HECTD4: variants seen among roughly 807,000 people sequenced by gnomAD.
HECTD4 encodes the protein HECT domain E3 ubiquitin protein ligase 4, also known as probable E3 ubiquitin-protein ligase HECTD4.
HECTD4 carries 114 observed loss-of-function variants against 471.5 expected under a neutral mutation model. The observed-to-expected ratio is 0.24, with a 90% CI of 0.21 to 0.28. The LOEUF (loss-of-function observed/expected upper bound fraction) is 0.28, where lower values mean the gene tolerates loss of function less well. Among genes scored for constraint, HECTD4 ranks in the 10% least tolerant of loss-of-function variants. HECTD4 has a pLI of 1.00. For missense variants in HECTD4, 3,866 were observed against 5,651.5 expected (o/e 0.68, Z 10.13); for synonymous variants, 2,012 against 2,256.0 (o/e 0.89, Z 3.07).
chr12:112,237,357 T>G (rs1421766430), intron 34 of HECTD4, among the ~76,000 whole-genome samples: 2 of 152,228 alleles, frequency 1.3e-5, no homozygotes, highest in South Asian at 2.1e-4. Flanking sequence ...CATACTTTGA[T>G]TGATAGGGAA....
intron 1 of HECTD4, among the ~76,000 whole-genome samples, chr12:112,339,704 C>T (rs1225999308): frequency 1.3e-5 from 2 of 152,252 alleles, no homozygotes; most frequent in Non-Finnish European, 2.9e-5. Context: ...CCCTGACTTA[C>T]GATGTGCTTA....
At chr12:112,196,323 AAAG>A (rs1332732826) in intron 55 of HECTD4, among the ~76,000 whole-genome samples, 1 of 152,188 alleles carries the variant, frequency 6.6e-6, no homozygotes, top group East Asian at 1.9e-4. Flanking sequence ...AGATAAACAA[AAAG>A]AAGACAGCTA....
rs1331197167 is a variant in HECTD4 at position 112,178,947 on chromosome 12, C to T, written c.11347G>A (p.Val3783Met). Reference protein sequence around the residue: ...ITKPPAKDKAVLNSVSRTALS... With the variant: ...ITKPPAKDKAMLNSVSRTALS... The stretch of plus-strand genomic sequence containing the variant: ...GGCACGCACCTGACGCTGTTGAGCA[C>T]AGCCTTGTCCTTGGCGGGCGGCTTG... The change falls in exon 64 of 76, where the codon GTG becomes ATG. Residue 3783 changes from valine (V) to methionine (M), a missense_variant. Physicochemically the swap from Val to Met is conservative, Grantham distance 21. Around this residue, in one of 16 missense-constraint regions of HECTD4, gnomAD observed 715 missense variants for 1,087.6 expected, o/e 0.66. Coordinates refer to ENST00000682272, the MANE Select transcript of HECTD4 (RefSeq NM_001388303.1). The T allele has an allele frequency of 6.2e-7, 1 of 1,612,036 alleles. No individual in the cohort carries two copies. Among genetic ancestry groups the T allele is most frequent in the African/African-American group, 1.3e-5 (1 of 74,936 alleles).
At chr12:112,267,362 TA>T (rs568357023) in intron 13 of HECTD4, 51 of 164,906 alleles carry the variant, frequency 3.1e-4, no homozygotes, top group South Asian at 5.1e-4. Context: ...AAAAAGGCAT[TA>T]AAAAAAAATT....
chr12:112,263,724 TACAC>T (rs367597011), intron 17 of HECTD4, among the ~76,000 whole-genome samples: 4,569 of 125,040 alleles, frequency 0.037, 188 homozygotes, highest in South Asian at 0.24. Flanking sequence ...TATATATATA[TACAC>T]ACACACACAC....
chr12:112,338,064 G>C (rs2035990739), intron 1 of HECTD4, among the ~76,000 whole-genome samples: 1 of 152,160 alleles, frequency 6.6e-6, no homozygotes, highest in Non-Finnish European at 1.5e-5. Context: ...GTCTGAAATC[G>C]GTATCACTGG....
Position 112,162,313 on chromosome 12 carries a change from G to A in HECTD4, c.*74C>T, listed in dbSNP as rs1033567686. 42 of 1,584,316 alleles carry A rather than the reference G, an allele frequency of 2.7e-5. No homozygotes were observed. Among genetic ancestry groups the A allele is most frequent in the South Asian group, 3.3e-5 (3 of 89,700 alleles). On this transcript the variant is annotated 3_prime_UTR_variant, in exon 76 of 76. Transcript: ENST00000682272. This position sits in a 1 kb window ranked among gnomAD's most constrained non-coding sequence, Gnocchi z 5.2. Reference sequence around the variant, plus strand: ...TCCTCACGCAGGGCCCTGGAGGGACGGGCCGCAGTGGTGGCTTCCCAAGCC... The same window carrying A: ...TCCTCACGCAGGGCCCTGGAGGGACAGGCCGCAGTGGTGGCTTCCCAAGCC...
chr12:112,175,087 C>T (rs903907881), intron 66 of HECTD4, among the ~76,000 whole-genome samples: 3 of 152,090 alleles, frequency 2.0e-5, no homozygotes, highest in Non-Finnish European at 4.4e-5. Flanking sequence ...AATGTGGACT[C>T]GAGGCAAAGT....
At chr12:112,186,107 G>C (rs1404269934) in intron 60 of HECTD4, among the ~76,000 whole-genome samples, 2 of 151,848 alleles carry the variant, frequency 1.3e-5, no homozygotes, top group Non-Finnish European at 2.9e-5. Context: ...TGAGTAGCTG[G>C]GATTACAGGA....
chr12:112,361,375 T>C (rs993749996), intron 1 of HECTD4, among the ~76,000 whole-genome samples: 3 of 152,040 alleles, frequency 2.0e-5, no homozygotes, highest in Admixed American at 2.0e-4. Flanking sequence ...GCTCAAGCGA[T>C]CCTCCCACCT....
At chr12:112,268,752 G>T in intron 13 of HECTD4, among the ~76,000 whole-genome samples, 1 of 141,154 alleles carries the variant, frequency 7.1e-6, no homozygotes. Flanking sequence ...GTGAAACTCC[G>T]TCTCAAACAA....
In HECTD4 at chr12:112,364,268, A is replaced by G. The variant is rs2036515197; in HGVS notation, c.177+17684T>C. On this transcript the variant is annotated intron_variant, in intron 1 of 75. Coordinates refer to ENST00000682272, the MANE Select transcript of HECTD4 (RefSeq NM_001388303.1). ...CAAAAAATACAAAAATTAGCTGGAC[A>G]TAGTGCCACACATCTGTAGTCCCAG... 2.0e-5 allele frequency among the ~76,000 whole-genome samples: 3 copies of G among 151,666 alleles called. No homozygotes were observed. In the South Asian group the frequency reaches 6.3e-4, roughly 32 times the overall value.
At position 112,226,700 on chromosome 12, in the gene HECTD4, G is replaced by A; in HGVS notation, c.6913C>T (p.Gln2305Ter). The change falls in exon 44 of 76, where the codon CAA (glutamine) becomes TAA (stop). Residue 2305 changes from glutamine (Q) to a stop codon, truncating the protein, a stop_gained. Coordinates refer to ENST00000682272, the MANE Select transcript of HECTD4 (RefSeq NM_001388303.1). LOFTEE classifies it high-confidence loss of function. ...ACTTCAACAGCTGCTGGACATTGTT[G>A]TATGAATTCTTCACAAAATAAGCTG... is the stretch of plus-strand genomic sequence containing the variant. ...EDSLFCEEFI[Q>*]QCPAAVEVLN... 6.2e-7 allele frequency: 1 copy of A among 1,613,158 alleles called. No individual in the cohort carries two copies. Among genetic ancestry groups the A allele is most frequent in the Non-Finnish European group, 8.5e-7 (1 of 1,179,500 alleles).
intron 39 of HECTD4, 98 bp downstream of exon 39, chr12:112,231,415 G>C: frequency 8.4e-7 from 1 of 1,184,238 alleles, no homozygotes; most frequent in Admixed American, 1.8e-5. Context: ...ATTTCCAAGA[G>C]GTCAAGGGGA....
chr12:112,246,962 G>A lies in HECTD4; in HGVS notation c.4452C>T (p.Val1484=), dbSNP rs753005971. 2 of 1,612,242 alleles carry A rather than the reference G, an allele frequency of 1.2e-6. No homozygotes were observed. Among genetic ancestry groups the A allele is most frequent in the East Asian group, 2.2e-5 (1 of 44,888 alleles). ...LMNRAELLLH[V]TIAAQSGLTR... is the part of the protein sequence containing the mutation. Reference sequence around the variant, plus strand: ...TGAGGCCCGACTGGGCTGCGATGGTGACATGCAGCAACAGCTCGGCTCGGT... The same window carrying A: ...TGAGGCCCGACTGGGCTGCGATGGTAACATGCAGCAACAGCTCGGCTCGGT... The change falls in exon 29 of 76, where the codon GTC becomes GTT. Residue 1484 remains valine, a synonymous_variant. Coordinates refer to ENST00000682272, the MANE Select transcript of HECTD4 (RefSeq NM_001388303.1).
intron 1 of HECTD4, among the ~76,000 whole-genome samples, chr12:112,324,289 T>C (rs2035697799): frequency 1.3e-5 from 2 of 150,658 alleles, no homozygotes; most frequent in African/African-American, 2.4e-5. Flanking sequence ...AGCTAATTTT[T>C]TGTATTTTTT....
At chr12:112,168,125 C>T (rs765000603) in intron 70 of HECTD4, among the ~76,000 whole-genome samples, 7 of 152,216 alleles carry the variant, frequency 4.6e-5, no homozygotes, top group East Asian at 1.9e-4. Flanking sequence ...AGGGATACCA[C>T]GGAGGGCAAG....
At chr12:112,236,614 T>G (rs1048134814) in intron 35 of HECTD4, among the ~76,000 whole-genome samples, 6 of 152,192 alleles carry the variant, frequency 3.9e-5, no homozygotes, top group Non-Finnish European at 8.8e-5. Flanking sequence ...GACTCATTCC[T>G]CTTTAATCTT....
chr12:112,347,695 A>G (rs2135733376), intron 1 of HECTD4, among the ~76,000 whole-genome samples: 1 of 152,330 alleles, frequency 6.6e-6, no homozygotes, highest in East Asian at 1.9e-4. Flanking sequence ...CCTTTCTTCT[A>G]TTCCAACATA....
Sources: allele counts gnomAD v4.1 joint callset (sites outside exome capture counted in the v4.1 genomes callset), GRCh38; gene constraint gnomAD v4.1.1; regional missense constraint gnomAD v4.1.1; non-coding constraint Gnocchi (gnomAD v3.1); transcripts MANE v1.5; gene names NCBI Gene and HGNC (gene_info 2026-07-23, HGNC 2026-07-21).